The following KIRREL3 variants were observed in gnomAD, a reference collection of about 807,000 sequenced individuals.
The protein encoded by KIRREL3 is kirre like nephrin family adhesion molecule 3, also known as kin of IRRE-like protein 3.
KIRREL3 carries 36 observed loss-of-function variants against 89.7 expected under a neutral mutation model. The ratio of observed to expected loss-of-function variants is 0.40; its 90% CI spans 0.31 to 0.53. The LOEUF (loss-of-function observed/expected upper bound fraction) is 0.53. Ranked by LOEUF, KIRREL3 falls within the 20% of genes least tolerant of loss-of-function variation. The pLI, the probability that KIRREL3 is intolerant of heterozygous loss-of-function variation, is 0.49. For synonymous variants in KIRREL3, 445 were observed against 441.4 expected, an observed-to-expected ratio of 1.01 and a Z score of -0.10; for missense variants, 864 against 1,056.6, an observed-to-expected ratio of 0.82 and a Z score of 2.53.
At chr11:126,446,084 T>G (rs1955786130) in intron 9 of KIRREL3, among the ~76,000 whole-genome samples, 1 of 145,826 alleles carries the variant, frequency 6.9e-6, no homozygotes, top group Non-Finnish European at 1.5e-5. Context: ...GGAGGCGGAG[T>G]TTGTGGTAAG....
rs1591729236 is a variant in KIRREL3, at chr11:126,555,298, C to A, written c.133+7537G>T. 1.3e-5 allele frequency among the ~76,000 whole-genome samples: 2 copies of A among 152,334 alleles called. No individual in the cohort carries two copies. Among genetic ancestry groups the A allele is most frequent in the African/African-American group, 4.8e-5 (2 of 41,568 alleles). Reference sequence around the variant, plus strand: ...GTAGGCTGAGTGAAACAAGCCACTCCAGTTCCCACCCACAAAGAGGGTCAA... The same window carrying A: ...GTAGGCTGAGTGAAACAAGCCACTCAAGTTCCCACCCACAAAGAGGGTCAA... On this transcript the variant is annotated intron_variant, in intron 2 of 16. Coordinates refer to ENST00000525144, the MANE Select transcript of KIRREL3 (RefSeq NM_032531.4). The surrounding 1 kb of genome is among the most constrained non-coding windows in gnomAD (Gnocchi z 4.2).
At position 126,563,191 on chromosome 11, in the gene KIRREL3, A is replaced by T. The variant is rs1332531877; in HGVS notation, c.56-279T>A. Among the ~76,000 whole-genome samples, 1 of 152,230 alleles carries T rather than the reference A, an allele frequency of 6.6e-6. No homozygotes were observed. Among genetic ancestry groups the T allele is most frequent in the African/African-American group, 2.4e-5 (1 of 41,450 alleles). ...AGTGGCACTGGATGAAAGAGCTAGCAGGTGGTAAAGCCAGAGCTTTGAACC... is the reference window on the plus strand; with the variant it reads ...AGTGGCACTGGATGAAAGAGCTAGCTGGTGGTAAAGCCAGAGCTTTGAACC... On this transcript the variant is annotated intron_variant, in intron 1 of 16. Coordinates refer to ENST00000525144, the MANE Select transcript of KIRREL3 (RefSeq NM_032531.4). This position sits in a 1 kb window ranked among gnomAD's most constrained non-coding sequence, Gnocchi z 6.8.
intron 1 of KIRREL3, among the ~76,000 whole-genome samples, chr11:126,596,304 A>G (rs1267451892): frequency 6.6e-6 from 1 of 152,252 alleles, no homozygotes; most frequent in African/African-American, 2.4e-5. Flanking sequence ...TACATTGTCA[A>G]ACAAACGTAA....
At position 126,747,546 on chromosome 11, in the gene KIRREL3, C is replaced by T. The variant is rs1413725095; in HGVS notation, c.56-184634G>A. On this transcript the variant is annotated intron_variant, in intron 1 of 16. Coordinates refer to ENST00000525144, the MANE Select transcript of KIRREL3 (RefSeq NM_032531.4). This position sits in a 1 kb window ranked among gnomAD's most constrained non-coding sequence, Gnocchi z 4.7. ...GGCCTGCTCACATGTTCCCTCTCTG[C>T]AAAGCAGTGCTCTCTGTGGTCGTGG... 1.3e-5 allele frequency among the ~76,000 whole-genome samples: 2 copies of T among 152,048 alleles called. No individual in the cohort carries two copies. The highest frequency in any genetic ancestry group is 1.3e-4 in the Admixed American group (2 of 15,280).
At chr11:126,919,422 T>C (rs552121198) in intron 1 of KIRREL3, among the ~76,000 whole-genome samples, 5 of 152,318 alleles carry the variant, frequency 3.3e-5, no homozygotes, top group Admixed American at 3.3e-4. Context: ...AGTTTACGGA[T>C]CTGGAGGATG....
intron 1 of KIRREL3, among the ~76,000 whole-genome samples, chr11:126,596,818 G>A (rs908013032): frequency 6.6e-6 from 1 of 152,208 alleles, no homozygotes; most frequent in Admixed American, 6.5e-5. Flanking sequence ...CAACCATCCA[G>A]CCTGGTCTTC....
intron 1 of KIRREL3, among the ~76,000 whole-genome samples, chr11:126,596,666 G>A (rs1010725750): frequency 3.3e-5 from 5 of 152,254 alleles, no homozygotes; most frequent in Admixed American, 1.3e-4. Flanking sequence ...GGAGTGGGGA[G>A]GAGGTATCTC....
In KIRREL3 at chr11:126,747,266, C is replaced by G. The variant is rs1949184327; in HGVS notation, c.56-184354G>C. Among the ~76,000 whole-genome samples, 1 of 152,196 alleles carries G rather than the reference C, an allele frequency of 6.6e-6. No homozygotes were observed. Among genetic ancestry groups the G allele is most frequent in the Admixed American group, 6.5e-5 (1 of 15,282 alleles). On this transcript the variant is annotated intron_variant, in intron 1 of 16. Transcript: ENST00000525144. The surrounding 1 kb of genome is among the most constrained non-coding windows in gnomAD (Gnocchi z 4.7). ...TGTAACCCTCAGTAAATAACACAAT[C>G]AGTGTATACTTACAAAGGCTGTTGT...
chr11:126,443,769 C>T lies in KIRREL3; in HGVS notation c.1252+1210G>A, dbSNP rs1042340447. Among the ~76,000 whole-genome samples, 4 of 152,216 alleles carry T rather than the reference C, an allele frequency of 2.6e-5. No homozygotes were observed. The highest frequency in any genetic ancestry group is 5.9e-5 in the Non-Finnish European group (4 of 68,010). ...GAAGCCCACGAGCTAATTTGGAGACCTCAGGAGGGCCCTGCTCTGGGGCCA... is the reference window on the plus strand; with the variant it reads ...GAAGCCCACGAGCTAATTTGGAGACTTCAGGAGGGCCCTGCTCTGGGGCCA... On this transcript the variant is annotated intron_variant, in intron 10 of 16. Transcript: ENST00000525144. This position sits in a 1 kb window ranked among gnomAD's most constrained non-coding sequence, Gnocchi z 7.3.
chr11:126,751,453 G>A (rs747439401), intron 1 of KIRREL3, among the ~76,000 whole-genome samples: 7 of 152,192 alleles, frequency 4.6e-5, no homozygotes, highest in Non-Finnish European at 1.0e-4. Flanking sequence ...CACTGCTCAA[G>A]TTTCTCTTCT....
Position 126,996,232 on chromosome 11 carries a change from C to T in KIRREL3, c.55+4223G>A, listed in dbSNP as rs1406025070. Among the ~76,000 whole-genome samples, 1 of 152,216 alleles carries T rather than the reference C, an allele frequency of 6.6e-6. No individual in the cohort carries two copies. The highest frequency in any genetic ancestry group is 1.9e-4 in the East Asian group (1 of 5,194). On this transcript the variant is annotated intron_variant, in intron 1 of 16. Coordinates refer to ENST00000525144, the MANE Select transcript of KIRREL3 (RefSeq NM_032531.4). This position sits in a 1 kb window ranked among gnomAD's most constrained non-coding sequence, Gnocchi z 4.7. ...ACCTTCTGGCACAAAAGAACTGATT[C>T]TTCTTCCTCTAGACAAGACGTCATC...
At chr11:126,425,913 A>AG (rs769435319) in intron 15 of KIRREL3, among the ~76,000 whole-genome samples, 189 bp from the exon 16 acceptor site, 4 of 152,154 alleles carry the variant, frequency 2.6e-5, no homozygotes, top group African/African-American at 7.2e-5. Flanking sequence ...GAAGCAGTTG[A>AG]GGGGGGTGGG....
rs974207042 is a variant in KIRREL3, at chr11:126,609,130, C to A, written c.56-46218G>T. ...TGAATTGAGGAGCACTGCAGCGAGACCTGACCACCGCCCAGCCCAGGTTGG... is the reference window on the plus strand; with the variant it reads ...TGAATTGAGGAGCACTGCAGCGAGAACTGACCACCGCCCAGCCCAGGTTGG... On this transcript the variant is annotated intron_variant, in intron 1 of 16. Transcript: ENST00000525144. This position sits in a 1 kb window ranked among gnomAD's most constrained non-coding sequence, Gnocchi z 5.0. Among the ~76,000 whole-genome samples the A allele has an allele frequency of 2.0e-5, 3 of 152,098 alleles. No individual in the cohort carries two copies. Among genetic ancestry groups the A allele is most frequent in the Non-Finnish European group, 2.9e-5 (2 of 68,018 alleles).
At chr11:126,435,152 G>A in intron 13 of KIRREL3, 116 bp downstream of exon 13, 2 of 1,075,810 alleles carry the variant, frequency 1.9e-6, no homozygotes, top group Non-Finnish European at 1.4e-6. Flanking sequence ...ACGGGGGAGG[G>A]CGGAGACACT....
At position 126,790,269 on chromosome 11, in the gene KIRREL3, G is replaced by A. The variant is rs113265447; in HGVS notation, c.55+210186C>T. Among the ~76,000 whole-genome samples the A allele has an allele frequency of 1.5e-3, 232 of 152,266 alleles. 2 individuals are homozygous for A. Among genetic ancestry groups the A allele is most frequent in the African/African-American group, 5.2e-3 (216 of 41,552 alleles). On this transcript the variant is annotated intron_variant, in intron 1 of 16. Transcript: ENST00000525144. ...ATTCATTGACTGATTAGACGGACTC[G>A]GTCCACATGCTCTGTTGGATGAATG...
rs550266274 is a variant in KIRREL3 at position 126,622,135 on chromosome 11, C to T, written c.56-59223G>A. On this transcript the variant is annotated intron_variant, in intron 1 of 16. Coordinates refer to ENST00000525144, the MANE Select transcript of KIRREL3 (RefSeq NM_032531.4). This position sits in a 1 kb window ranked among gnomAD's most constrained non-coding sequence, Gnocchi z 5.2. ...TCATTATTTTGCTATCCTTGCCTCT[C>T]TTGGGATTTGTGGCTCACACTGCAT... is the stretch of plus-strand genomic sequence containing the variant. 6.6e-6 allele frequency among the ~76,000 whole-genome samples: 1 copy of T among 152,258 alleles called. No individual in the cohort carries two copies. The highest frequency in any genetic ancestry group is 1.9e-4 in the East Asian group (1 of 5,182).
chr11:126,602,031 A>T (rs1942680662), intron 1 of KIRREL3, among the ~76,000 whole-genome samples: 1 of 152,200 alleles, frequency 6.6e-6, no homozygotes, highest in Admixed American at 6.5e-5. Flanking sequence ...CCGTGGCATG[A>T]TCAACACCTC....
Position 126,647,315 on chromosome 11 carries a change from T to C in KIRREL3, c.56-84403A>G, listed in dbSNP as rs951497289. Among the ~76,000 whole-genome samples, 2 of 152,144 alleles carry C rather than the reference T, an allele frequency of 1.3e-5. No homozygotes were observed. The highest frequency in any genetic ancestry group is 2.9e-5 in the Non-Finnish European group (2 of 68,030). ...CCAAGCCTTGCATGCCCGTTTTAAT[T>C]AACTTGTCTATTCACGCATCCAACA... On this transcript the variant is annotated intron_variant, in intron 1 of 16. Coordinates refer to ENST00000525144, the MANE Select transcript of KIRREL3 (RefSeq NM_032531.4). This position sits in a 1 kb window ranked among gnomAD's most constrained non-coding sequence, Gnocchi z 4.9.
rs370587861 is a variant in KIRREL3 at position 126,708,598 on chromosome 11, G to A, written c.56-145686C>T. ...GGGCTCCGGGGTGGGGAAGGAAGGAGGGCGTTCGGCTCAACGTCCAGGAGA... is the reference window on the plus strand; with the variant it reads ...GGGCTCCGGGGTGGGGAAGGAAGGAAGGCGTTCGGCTCAACGTCCAGGAGA... On this transcript the variant is annotated intron_variant, in intron 1 of 16. Transcript: ENST00000525144. The surrounding 1 kb of genome is among the most constrained non-coding windows in gnomAD (Gnocchi z 5.7). 5.9e-5 allele frequency among the ~76,000 whole-genome samples: 9 copies of A among 152,164 alleles called. No homozygotes were observed. The highest frequency in any genetic ancestry group is 1.9e-4 in the East Asian group (1 of 5,196).
Sources: allele counts gnomAD v4.1 joint callset (sites outside exome capture counted in the v4.1 genomes callset), GRCh38; gene constraint gnomAD v4.1.1; non-coding constraint Gnocchi (gnomAD v3.1); transcripts MANE v1.5; gene names NCBI Gene and HGNC (gene_info 2026-07-23, HGNC 2026-07-21).